RNGTT: variants seen among roughly 807,000 people sequenced by gnomAD.
RNGTT encodes mRNA-capping enzyme.
RNGTT carries 33 observed loss-of-function variants against 79.3 expected under a neutral mutation model. The ratio of observed to expected loss-of-function variants is 0.42; its 90% CI spans 0.32 to 0.56. The LOEUF (loss-of-function observed/expected upper bound fraction) is 0.56, where lower values mean the gene tolerates loss of function less well. Among genes scored for constraint, RNGTT ranks in the 20% least tolerant of loss-of-function variants. The pLI is 0.17. For synonymous variants in RNGTT, 222 were observed against 235.9 expected (o/e 0.94, Z 0.54); for missense variants, 497 against 739.1 (o/e 0.67, Z 3.80).
chr6:88,834,721 A>G (rs893306758), intron 11 of RNGTT, among the ~76,000 whole-genome samples: 1 of 152,184 alleles, frequency 6.6e-6, no homozygotes, highest in African/African-American at 2.4e-5. Context: ...TAAAAATAAC[A>G]AGCCTTATGG....
At chr6:88,786,735 TCAAGTATAGGTTA>T (rs1415311758) in intron 12 of RNGTT, among the ~76,000 whole-genome samples, 6 of 152,236 alleles carry the variant, frequency 3.9e-5, no homozygotes, top group African/African-American at 1.2e-4. Flanking sequence ...AGTATTTTTG[TCAAGTATAGGTTA>T]CATTTCAAAT....
chr6:88,959,617 A>G (rs1227675041), intron 1 of RNGTT, among the ~76,000 whole-genome samples: 1 of 152,036 alleles, frequency 6.6e-6, no homozygotes, highest in Non-Finnish European at 1.5e-5. Context: ...AACTATCACT[A>G]TTGTCTTTCA....
At chr6:88,913,219 A>AC (rs1783889509) in intron 4 of RNGTT, among the ~76,000 whole-genome samples, 1 of 145,292 alleles carries the variant, frequency 6.9e-6, no homozygotes, top group African/African-American at 2.5e-5. Flanking sequence ...AAAAACAAAA[A>AC]AAAAAAACAA....
intron 8 of RNGTT, among the ~76,000 whole-genome samples, chr6:88,869,530 C>A (rs1341559889): frequency 6.6e-6 from 1 of 152,092 alleles, no homozygotes; most frequent in African/African-American, 2.4e-5. Flanking sequence ...ATCAGAATGA[C>A]TTGAGTTTGG....
At chr6:88,713,579 T>C (rs1776392670) in intron 13 of RNGTT, among the ~76,000 whole-genome samples, 1 of 152,230 alleles carries the variant, frequency 6.6e-6, no homozygotes, top group Admixed American at 6.5e-5. Flanking sequence ...ATATTGTGTA[T>C]GTATATATAA....
At chr6:88,920,357 T>C (rs1219375036) in intron 4 of RNGTT, among the ~76,000 whole-genome samples, 1 of 152,210 alleles carries the variant, frequency 6.6e-6, no homozygotes, top group African/African-American at 2.4e-5. Context: ...ATGTAAGTGC[T>C]ATGTGAACAG....
At chr6:88,900,088 T>C (rs928675979) in intron 6 of RNGTT, among the ~76,000 whole-genome samples, 2 of 151,962 alleles carry the variant, frequency 1.3e-5, no homozygotes, top group Non-Finnish European at 1.5e-5. Context: ...TTACATAATT[T>C]TTCATAAACA....
intron 12 of RNGTT, among the ~76,000 whole-genome samples, chr6:88,776,321 CT>C (rs34732511): frequency 0.016 from 2,195 of 139,402 alleles, 35 homozygotes; most frequent in African/African-American, 0.051. Flanking sequence ...ACCTTTTGAC[CT>C]TTTTTTTTTT....
chr6:88,850,294 C>T (rs1194740561), intron 9 of RNGTT, among the ~76,000 whole-genome samples: 4 of 151,930 alleles, frequency 2.6e-5, no homozygotes, highest in African/African-American at 7.2e-5. Context: ...AGCCATGTGG[C>T]CTTTCTTGGT....
intron 11 of RNGTT, among the ~76,000 whole-genome samples, chr6:88,804,511 A>G (rs1301063676): frequency 6.6e-6 from 1 of 152,202 alleles, no homozygotes; most frequent in Non-Finnish European, 1.5e-5. Context: ...CTTTAAATGC[A>G]TTATAGAATA....
At chr6:88,952,314 C>A (rs1479169776) in intron 1 of RNGTT, among the ~76,000 whole-genome samples, 1 of 152,182 alleles carries the variant, frequency 6.6e-6, no homozygotes, top group Non-Finnish European at 1.5e-5. Flanking sequence ...CCTTCCCCTA[C>A]CTGATGGTAT....
At chr6:88,729,345 A>G (rs1343339017) in intron 13 of RNGTT, among the ~76,000 whole-genome samples, 1 of 151,178 alleles carries the variant, frequency 6.6e-6, no homozygotes, top group Non-Finnish European at 1.5e-5. Flanking sequence ...CTTTAGTCCA[A>G]TTGGCTATCC....
intron 11 of RNGTT, among the ~76,000 whole-genome samples, chr6:88,827,265 C>T (rs1259087530): frequency 1.3e-5 from 2 of 152,110 alleles, no homozygotes; most frequent in African/African-American, 4.8e-5. Context: ...TGGGGCATCA[C>T]CTCACCTGGG....
chr6:88,905,042 C>T, intron 5 of RNGTT, 87 bp from the exon 6 acceptor site: 2 of 1,494,078 alleles, frequency 1.3e-6, no homozygotes, highest in East Asian at 4.5e-5. Context: ...TTCAAGGCTC[C>T]ATATAAAGTA....
rs1354392435 is a variant in RNGTT, at chr6:88,844,592, C to A, written c.1105-71G>T. 7 of 1,395,528 alleles carry A rather than the reference C, an allele frequency of 5.0e-6. No homozygotes were observed. The African/African-American group carries it at 1.0e-4, about 20-fold the overall frequency. The allele number at this position is 1,395,528 out of a possible 1,614,324, so 86.4% of individuals were successfully genotyped here. A position where few individuals can be genotyped will look rare whatever the true frequency, so the allele number is the denominator to read the frequency against. ...TTTATCAGCATAATTATCAAGGCTGCCACAATGTACATAATAGTCTGTGTA... is the reference window on the plus strand; with the variant it reads ...TTTATCAGCATAATTATCAAGGCTGACACAATGTACATAATAGTCTGTGTA... On this transcript the variant is annotated intron_variant, in intron 10 of 15. Transcript: ENST00000369485.
chr6:88,742,811 T>G (rs1186773528), intron 13 of RNGTT, among the ~76,000 whole-genome samples: 2 of 152,190 alleles, frequency 1.3e-5, no homozygotes, highest in Admixed American at 1.3e-4. Flanking sequence ...GAGTAGCAAT[T>G]AGAGAGAAGT....
chr6:88,844,301 G>A (rs933902867), intron 11 of RNGTT, 56 bp downstream of exon 11: 2 of 1,477,150 alleles, frequency 1.4e-6, no homozygotes, highest in South Asian at 2.4e-5. Flanking sequence ...TATTCATCTT[G>A]TAAGCTGAAT....
chr6:88,687,830 T>C (rs1325848910), intron 13 of RNGTT, among the ~76,000 whole-genome samples: 1 of 152,010 alleles, frequency 6.6e-6, no homozygotes, highest in Non-Finnish European at 1.5e-5. Context: ...CAGGTAGAAA[T>C]CATGGGGGAA....
chr6:88,698,680 A>T (rs1226922154), intron 13 of RNGTT, among the ~76,000 whole-genome samples: 1 of 152,136 alleles, frequency 6.6e-6, no homozygotes, highest in East Asian at 1.9e-4. Context: ...ATAACTTCAA[A>T]TTTAAAAGCG....
Sources: gnomAD v4.1 joint callset for allele counts (sites outside exome capture counted in the v4.1 genomes callset) on GRCh38, gnomAD v4.1.1 for gene constraint, MANE v1.5 for transcripts, NCBI Gene and HGNC (gene_info 2026-07-23, HGNC 2026-07-21) for gene names.